The following NDUFS4 variants were observed in gnomAD, a reference collection of about 807,000 sequenced individuals.
NDUFS4 encodes NADH dehydrogenase [ubiquinone] iron-sulfur protein 4, mitochondrial.
A neutral mutation model predicts 24.3 loss-of-function variants in NDUFS4; 28 were observed. The observed-to-expected ratio is 1.15, with a 90% CI of 0.85 to 1.58. The LOEUF (loss-of-function observed/expected upper bound fraction) is 1.58. Ranked by LOEUF, NDUFS4 falls within the 40% of genes most tolerant of loss-of-function variation. The pLI is 0.00. For missense variants in NDUFS4, 223 were observed against 207.9 expected (o/e 1.07, Z -0.45); for synonymous variants, 93 against 69.7 (o/e 1.34, Z -1.67).
chr5:53,612,179 A>G (rs1246372594), intron 2 of NDUFS4, among the ~76,000 whole-genome samples: 1 of 152,078 alleles, frequency 6.6e-6, no homozygotes. Context: ...GTTGGCTGCT[A>G]TCTCTCCTTC....
At chr5:53,636,928 TTG>T (rs1339853120) in intron 2 of NDUFS4, among the ~76,000 whole-genome samples, 1 of 152,214 alleles carries the variant, frequency 6.6e-6, no homozygotes, top group Non-Finnish European at 1.5e-5. Context: ...GCCATGCTTC[TTG>T]TACAGCCTGC....
chr5:53,635,724 G>A (rs916972781), intron 2 of NDUFS4, among the ~76,000 whole-genome samples: 1 of 151,944 alleles, frequency 6.6e-6, no homozygotes, highest in Admixed American at 6.6e-5. Context: ...TCATTTCTTC[G>A]TTAAGCATAT....
At chr5:53,635,212 T>TAACC (rs951677756) in intron 2 of NDUFS4, among the ~76,000 whole-genome samples, 14 of 150,920 alleles carry the variant, frequency 9.3e-5, no homozygotes, top group Admixed American at 4.6e-4. Context: ...AATAAATAAA[T>TAACC]AACCAACCAA....
At chr5:53,645,852 T>G (rs2112506767) in intron 2 of NDUFS4, among the ~76,000 whole-genome samples, 1 of 152,318 alleles carries the variant, frequency 6.6e-6, no homozygotes, top group South Asian at 2.1e-4. Context: ...TTATATCCCC[T>G]TTTCATATTT....
intron 1 of NDUFS4, among the ~76,000 whole-genome samples, chr5:53,585,728 G>C (rs1447221336): frequency 6.6e-6 from 1 of 151,174 alleles, no homozygotes; most frequent in Admixed American, 6.6e-5. Flanking sequence ...GGCAACAAGA[G>C]CGTAACTCCG....
At chr5:53,579,834 T>TG (rs1218381334) in intron 1 of NDUFS4, among the ~76,000 whole-genome samples, 1 of 152,144 alleles carries the variant, frequency 6.6e-6, no homozygotes, top group African/African-American at 2.4e-5. Flanking sequence ...AGGATGCAGG[T>TG]GGAGTCAGAG....
chr5:53,679,318 G>GA (rs1449681825), intron 4 of NDUFS4, among the ~76,000 whole-genome samples: 1 of 151,380 alleles, frequency 6.6e-6, no homozygotes, highest in East Asian at 1.9e-4. Flanking sequence ...GATCCTATTA[G>GA]AAAATGCATG....
intron 2 of NDUFS4, among the ~76,000 whole-genome samples, chr5:53,616,450 G>A (rs751788602): frequency 3.3e-5 from 5 of 152,072 alleles, no homozygotes; most frequent in South Asian, 2.1e-4. Flanking sequence ...GGCAGTCAAC[G>A]AAACCCACTT....
At chr5:53,606,605 T>C (rs561106560) in intron 2 of NDUFS4, among the ~76,000 whole-genome samples, 4 of 152,268 alleles carry the variant, frequency 2.6e-5, no homozygotes, top group Admixed American at 2.0e-4. Context: ...CCTCAGGTAA[T>C]CCACCTGCCT....
chr5:53,583,519 A>G (rs1292644067), intron 1 of NDUFS4, among the ~76,000 whole-genome samples: 1 of 152,208 alleles, frequency 6.6e-6, no homozygotes, highest in Admixed American at 6.5e-5. Flanking sequence ...AGAATAGCAG[A>G]ATGCTTGATA....
At chr5:53,592,302 A>G (rs1173753930) in intron 1 of NDUFS4, among the ~76,000 whole-genome samples, 4 of 152,158 alleles carry the variant, frequency 2.6e-5, no homozygotes, top group African/African-American at 9.7e-5. Context: ...TTTCTTAATC[A>G]GATATATAGT....
Position 53,646,336 on chromosome 5 carries a change from C to G in NDUFS4, c.281C>G (p.Thr94Arg), listed in dbSNP as rs752550580. The G allele has an allele frequency of 1.9e-6, 3 of 1,613,616 alleles. No homozygotes were observed. Among genetic ancestry groups the G allele is most frequent in the Non-Finnish European group, 2.5e-6 (3 of 1,179,820 alleles). ...AACATGCAGTCTGGAGTAAACAACA[C>G]AAAGAAATGGAAGATGGAGTTTGAT... is the stretch of plus-strand genomic sequence containing the variant. ...RNNMQSGVNN[T>R]KKWKMEFDTR... Residue 94 changes from threonine to arginine, a missense_variant, in exon 3 of 5, where the codon ACA becomes AGA. By Grantham distance (71) the Thr-to-Arg change is moderately conservative. Transcript: ENST00000296684.
At chr5:53,598,084 A>G (rs1048810721) in intron 1 of NDUFS4, among the ~76,000 whole-genome samples, 5 of 152,210 alleles carry the variant, frequency 3.3e-5, no homozygotes, top group South Asian at 2.1e-4. Flanking sequence ...AACGACTGCA[A>G]TCCAAAATAC....
intron 1 of NDUFS4, among the ~76,000 whole-genome samples, chr5:53,578,676 T>C (rs773830265): frequency 6.6e-6 from 1 of 152,180 alleles, no homozygotes; most frequent in Non-Finnish European, 1.5e-5. Context: ...CGGCATATGC[T>C]ATAAGTGCCT....
intron 1 of NDUFS4, among the ~76,000 whole-genome samples, chr5:53,567,354 G>C (rs1206088282): frequency 6.6e-6 from 1 of 152,144 alleles, no homozygotes; most frequent in African/African-American, 2.4e-5. Flanking sequence ...TTATTTGAGA[G>C]ACCATGGAAT....
At chr5:53,656,702 G>C (rs116237311) in intron 3 of NDUFS4, among the ~76,000 whole-genome samples, 1,768 of 152,314 alleles carry the variant, frequency 0.012, 16 homozygotes, top group Non-Finnish European at 0.017. Flanking sequence ...GTAGAAGACT[G>C]AAGTTAATGT....
chr5:53,577,191 A>T (rs1009222938), intron 1 of NDUFS4, among the ~76,000 whole-genome samples: 6 of 152,200 alleles, frequency 3.9e-5, no homozygotes, highest in African/African-American at 1.4e-4. Context: ...AGCAGTGTGT[A>T]GAATGCTACC....
chr5:53,662,394 G>C (rs1205474628), intron 4 of NDUFS4, among the ~76,000 whole-genome samples: 1 of 152,154 alleles, frequency 6.6e-6, no homozygotes, highest in Non-Finnish European at 1.5e-5. Context: ...GATTCGGTTT[G>C]CCAGTATTTT....
At chr5:53,602,903 T>C (rs1230079925) in intron 1 of NDUFS4, among the ~76,000 whole-genome samples, 1 of 152,212 alleles carries the variant, frequency 6.6e-6, no homozygotes, top group Non-Finnish European at 1.5e-5. Context: ...TACGTCTAAC[T>C]TAATATTTTC....
Sources: allele counts gnomAD v4.1 joint callset (sites outside exome capture counted in the v4.1 genomes callset), GRCh38; gene constraint gnomAD v4.1.1; transcripts MANE v1.5; gene names NCBI Gene and HGNC (gene_info 2026-07-23, HGNC 2026-07-21).